The following ITSN1 variants were observed in gnomAD, a reference collection of about 807,000 sequenced individuals.
ITSN1 encodes the protein intersectin-1.
Under a neutral mutation model 239.8 loss-of-function variants are expected in ITSN1, and 58 were observed. That is an observed-to-expected ratio of 0.24 (90% CI 0.20 to 0.30). The LOEUF (loss-of-function observed/expected upper bound fraction) is 0.30. ITSN1 is among the 10% of genes least tolerant of loss of function. The pLI is 1.00. For missense variants in ITSN1, 1,558 were observed against 2,103.3 expected (o/e 0.74, Z 5.07); for synonymous variants, 780 against 770.8 (o/e 1.01, Z -0.20).
chr21:33,852,638 C>T (rs1167014435), intron 29 of ITSN1, among the ~76,000 whole-genome samples: 1 of 152,104 alleles, frequency 6.6e-6, no homozygotes, highest in Non-Finnish European at 1.5e-5. Flanking sequence ...TAGGCAACAT[C>T]TAAGGGACGG....
At chr21:33,643,279 C>T (rs1341780762) in intron 1 of ITSN1, 2 of 152,108 alleles carry the variant, frequency 1.3e-5, no homozygotes, top group African/African-American at 2.4e-5. Context: ...GGGCGCGCCG[C>T]GGGGCCGCCC....
rs2088547935 is a variant in ITSN1, at chr21:33,775,060, TAG to T, written c.1553_1554del (p.Glu518ValfsTer32). 1 of 1,614,098 alleles carries T rather than the reference TAG, an allele frequency of 6.2e-7. No individual in the cohort carries two copies. Among genetic ancestry groups the T allele is most frequent in the Non-Finnish European group, 8.5e-7 (1 of 1,179,988 alleles). ...RQEIESTNKS[R>X]ELRIAEITHL... ...AAGAAATTGAGAGCACAAACAAATC[TAG>T]AGAGTTGAGAATTGCCGAAATCACC... On this transcript the variant is annotated frameshift_variant, in exon 14 of 40. Transcript: ENST00000381318. LOFTEE classifies it high-confidence loss of function.
At chr21:33,757,816 T>G (rs1284272293) in intron 8 of ITSN1, among the ~76,000 whole-genome samples, 1 of 152,140 alleles carries the variant, frequency 6.6e-6, no homozygotes, top group Non-Finnish European at 1.5e-5. Context: ...TAATCTCTTG[T>G]TTTTCATCCT....
chr21:33,835,494 A>G (rs1277756018), intron 28 of ITSN1, among the ~76,000 whole-genome samples: 1 of 152,246 alleles, frequency 6.6e-6, no homozygotes, highest in Non-Finnish European at 1.5e-5. Context: ...CATCTGAAGT[A>G]GAAGTGCCAA....
At chr21:33,664,413 A>T (rs1036515486) in intron 1 of ITSN1, among the ~76,000 whole-genome samples, 1 of 152,168 alleles carries the variant, frequency 6.6e-6, no homozygotes, top group Non-Finnish European at 1.5e-5. Context: ...CAGCCAGCTC[A>T]TGTGAGAACT....
At chr21:33,829,830 TACA>T in intron 27 of ITSN1, 85 bp downstream of exon 27, 1 of 1,498,078 alleles carries the variant, frequency 6.7e-7, no homozygotes, top group East Asian at 2.3e-5. Flanking sequence ...TATTGTAAAG[TACA>T]AACCACCCCT....
Position 33,683,729 on chromosome 21 carries a change from T to A in ITSN1, c.-32-35068T>A, listed in dbSNP as rs893220083. On this transcript the variant is annotated intron_variant, in intron 1 of 39. Coordinates refer to ENST00000381318, the MANE Select transcript of ITSN1 (RefSeq NM_003024.3). ...TGACATGATTATTTATTAAACTCCT[T>A]TAAATAACTCCTGTGCTTAATGCAG... 4.6e-5 allele frequency among the ~76,000 whole-genome samples: 7 copies of A among 152,344 alleles called. 1 individual carries two copies. In the South Asian group the frequency reaches 1.4e-3, roughly 32 times the overall value.
intron 29 of ITSN1, among the ~76,000 whole-genome samples, chr21:33,849,260 A>T (rs907857523): frequency 6.7e-6 from 1 of 150,182 alleles, no homozygotes; most frequent in Non-Finnish European, 1.5e-5. Context: ...AAGAACAACA[A>T]CAACAAGAAA....
At chr21:33,848,252 C>A (rs901627397) in intron 29 of ITSN1, among the ~76,000 whole-genome samples, 8 of 152,172 alleles carry the variant, frequency 5.3e-5, no homozygotes, top group African/African-American at 1.9e-4. Context: ...TTAGGGTGAG[C>A]CCTAATTCCA....
chr21:33,869,084 T>C (rs1982260894), intron 33 of ITSN1, among the ~76,000 whole-genome samples: 1 of 152,238 alleles, frequency 6.6e-6, no homozygotes, highest in South Asian at 2.1e-4. Context: ...CTTGATTTTC[T>C]TAGCAGAAAA....
At chr21:33,806,518 T>C (rs765582439) in intron 20 of ITSN1, among the ~76,000 whole-genome samples, 3 of 152,244 alleles carry the variant, frequency 2.0e-5, no homozygotes, top group African/African-American at 7.2e-5. Flanking sequence ...AGGTGTAATA[T>C]CATCGGCCTT....
chr21:33,866,778 C>G (rs1321081140), intron 32 of ITSN1, among the ~76,000 whole-genome samples: 1 of 152,202 alleles, frequency 6.6e-6, no homozygotes, highest in Non-Finnish European at 1.5e-5. Flanking sequence ...CCCAGAGGCA[C>G]GTGCAGGCTC....
chr21:33,698,349 T>TC (rs1206203461), intron 1 of ITSN1, among the ~76,000 whole-genome samples: 1 of 152,010 alleles, frequency 6.6e-6, no homozygotes, highest in Non-Finnish European at 1.5e-5. Flanking sequence ...CTGCTGCCAC[T>TC]CCCCCCTAAC....
At chr21:33,833,727 C>G (rs569736948) in intron 27 of ITSN1, among the ~76,000 whole-genome samples, 1 of 152,044 alleles carries the variant, frequency 6.6e-6, no homozygotes, top group Non-Finnish European at 1.5e-5. Context: ...CAAAATTAGC[C>G]GGGCATGGTT....
intron 12 of ITSN1, 107 bp downstream of exon 12, chr21:33,772,430 GT>G: frequency 7.4e-7 from 1 of 1,350,574 alleles, no homozygotes; most frequent in Non-Finnish European, 1.0e-6. Context: ...CAATTCAGTA[GT>G]TTTAGTATAT....
At position 33,722,649 on chromosome 21, in the gene ITSN1, A is replaced by G; in HGVS notation, c.183A>G (p.Ile61Met). The G allele has an allele frequency of 6.4e-7, 1 of 1,563,966 alleles. No homozygotes were observed. Residue 61 changes from isoleucine (I) to methionine (M), a missense_variant and splice_region_variant, in exon 4 of 40, where the codon ATA (isoleucine) becomes ATG (methionine). Around this residue, in one of 2 missense-constraint regions of ITSN1, gnomAD observed 982 missense variants for 1,209.9 expected, o/e 0.81. Coordinates refer to ENST00000381318, the MANE Select transcript of ITSN1 (RefSeq NM_003024.3). ...SGLPQPVLAQ[I>M]WALADMNNDG... ...TACCTCAACCTGTTTTAGCACAGAT[A>G]TGGTAAGTTGGAATTTTACATGAAA...
chr21:33,756,921 C>G (rs1296345426), intron 8 of ITSN1: 1 of 152,234 alleles, frequency 6.6e-6, no homozygotes, highest in Non-Finnish European at 1.5e-5. Context: ...CATGTACCAC[C>G]ACGCCCGGCT....
intron 11 of ITSN1, among the ~76,000 whole-genome samples, chr21:33,769,019 A>G (rs1211757182): frequency 6.6e-6 from 1 of 152,222 alleles, no homozygotes; most frequent in East Asian, 1.9e-4. Context: ...TAGATGCACA[A>G]CAGACCTCAC....
intron 26 of ITSN1, among the ~76,000 whole-genome samples, chr21:33,827,871 G>T (rs903802206): frequency 6.6e-5 from 10 of 152,240 alleles, no homozygotes; most frequent in Non-Finnish European, 1.5e-4. Flanking sequence ...AGACGGATTT[G>T]CTTGTCTGTC....
Sources: allele counts gnomAD v4.1 joint callset (sites outside exome capture counted in the v4.1 genomes callset), GRCh38; gene constraint gnomAD v4.1.1; regional missense constraint gnomAD v4.1.1; transcripts MANE v1.5; gene names NCBI Gene and HGNC (gene_info 2026-07-23, HGNC 2026-07-21).